CPNE4: variants seen among roughly 807,000 people sequenced by gnomAD.
CPNE4 encodes the protein copine 4.
Under a neutral mutation model 67.9 loss-of-function variants are expected in CPNE4, and 25 were observed. The observed-to-expected ratio is 0.37, with a 90% CI of 0.27 to 0.51. CPNE4 has a LOEUF of 0.51. Among genes scored for constraint, CPNE4 ranks in the 20% least tolerant of loss-of-function variants. The probability of loss-of-function intolerance (pLI) is 0.93; values close to 1 mark genes in which losing one functional copy is unlikely to be tolerated. For synonymous variants in CPNE4, 242 were observed against 244.9 expected, an observed-to-expected ratio of 0.99 and a Z score of 0.11; for missense variants, 464 against 690.8, an observed-to-expected ratio of 0.67 and a Z score of 3.68.
chr3:131,779,078 C>T (rs2083365743), intron 2 of CPNE4, among the ~76,000 whole-genome samples: 1 of 152,068 alleles, frequency 6.6e-6, no homozygotes, highest in Non-Finnish European at 1.5e-5. Context: ...AATGCAATCC[C>T]ATTCACAATA....
intron 1 of CPNE4, among the ~76,000 whole-genome samples, chr3:131,957,125 G>A (rs1459995384): frequency 6.6e-6 from 1 of 152,072 alleles, no homozygotes; most frequent in Non-Finnish European, 1.5e-5. Context: ...CCCCACACTG[G>A]GACTCAGTGA....
At chr3:131,906,497 G>A (rs1447910633) in intron 1 of CPNE4, among the ~76,000 whole-genome samples, 7 of 147,338 alleles carry the variant, frequency 4.8e-5, no homozygotes, top group South Asian at 2.1e-4. Context: ...GTGAGAACAC[G>A]CGGTGTTTGG....
intron 7 of CPNE4, among the ~76,000 whole-genome samples, chr3:131,644,331 T>C (rs1051868547): frequency 2.0e-5 from 3 of 151,958 alleles, no homozygotes; most frequent in African/African-American, 4.8e-5. Flanking sequence ...GTATTTTTAT[T>C]GGAGACAGGG....
chr3:131,688,409 A>T (rs1050417856), intron 5 of CPNE4, among the ~76,000 whole-genome samples: 1 of 152,124 alleles, frequency 6.6e-6, no homozygotes, highest in East Asian at 1.9e-4. Flanking sequence ...TCTCAGATGC[A>T]CTTCTAGCTG....
At chr3:131,634,037 A>T (rs1269461931) in intron 7 of CPNE4, among the ~76,000 whole-genome samples, 1 of 152,208 alleles carries the variant, frequency 6.6e-6, no homozygotes, top group Non-Finnish European at 1.5e-5. Flanking sequence ...GAGCTAAAAA[A>T]ATGCACATGC....
intron 7 of CPNE4, among the ~76,000 whole-genome samples, chr3:131,611,109 C>T (rs75859523): frequency 0.032 from 4,867 of 152,108 alleles, 248 homozygotes; most frequent in African/African-American, 0.11. Flanking sequence ...GAAAACAAAA[C>T]GTATTTTTTC....
intron 7 of CPNE4, among the ~76,000 whole-genome samples, chr3:131,588,068 A>AT (rs140193871): frequency 6.7e-5 from 10 of 150,040 alleles, no homozygotes; most frequent in African/African-American, 9.9e-5. Context: ...TTCTTTTTCT[A>AT]TTTTTTTTTC....
At chr3:131,958,604 C>CCTTT (rs2072053452) in intron 1 of CPNE4, among the ~76,000 whole-genome samples, 2 of 44,300 alleles carry the variant, frequency 4.5e-5, no homozygotes, top group Non-Finnish European at 8.8e-5. Context: ...ACCTTTCTTT[C>CCTTT]TTTTCTTTTT....
intron 2 of CPNE4, among the ~76,000 whole-genome samples, chr3:131,786,206 G>A (rs750865386): frequency 1.3e-4 from 20 of 152,046 alleles, no homozygotes; most frequent in South Asian, 1.0e-3. Context: ...TTCTGGCACC[G>A]AGAATTGCCT....
intron 2 of CPNE4, 96 bp from the exon 3 acceptor site, chr3:131,723,721 C>A: frequency 9.0e-7 from 1 of 1,106,326 alleles, no homozygotes; most frequent in Non-Finnish European, 1.3e-6. Context: ...TTCTTCCCAA[C>A]CATAAATGCT....
intron 3 of CPNE4, among the ~76,000 whole-genome samples, chr3:131,709,208 A>G (rs536557688): frequency 3.6e-4 from 55 of 151,886 alleles, no homozygotes; most frequent in African/African-American, 5.6e-4. Context: ...CAATGAGCCT[A>G]TATTATCTTT....
At chr3:131,705,759 A>G (rs1193424851) in intron 3 of CPNE4, among the ~76,000 whole-genome samples, 1 of 152,116 alleles carries the variant, frequency 6.6e-6, no homozygotes, top group African/African-American at 2.4e-5. Flanking sequence ...TAATTACTTC[A>G]AGTGTAATTA....
chr3:131,761,232 T>A (rs1368456377), intron 2 of CPNE4, among the ~76,000 whole-genome samples: 2 of 115,392 alleles, frequency 1.7e-5, no homozygotes, highest in African/African-American at 3.0e-5. Flanking sequence ...TTTTTTTTTT[T>A]AGAGAAAGGG....
chr3:131,947,550 T>C (rs1448930292), intron 1 of CPNE4, among the ~76,000 whole-genome samples: 2 of 152,182 alleles, frequency 1.3e-5, no homozygotes, highest in African/African-American at 4.8e-5. Context: ...TCCATGTCCC[T>C]GCAAAGGACA....
chr3:131,598,657 A>C (rs1254489839), intron 7 of CPNE4, among the ~76,000 whole-genome samples: 3 of 152,100 alleles, frequency 2.0e-5, no homozygotes, highest in African/African-American at 7.2e-5. Context: ...ATTTCTTCAC[A>C]TCCTGGGCCC....
intron 2 of CPNE4, among the ~76,000 whole-genome samples, chr3:131,874,737 T>G (rs1306289047): frequency 6.6e-6 from 1 of 152,262 alleles, no homozygotes; most frequent in African/African-American, 2.4e-5. Flanking sequence ...TGAAATCATT[T>G]AATTACAACT....
At chr3:131,827,414 G>A (rs1213181492) in intron 2 of CPNE4, among the ~76,000 whole-genome samples, 2 of 151,414 alleles carry the variant, frequency 1.3e-5, no homozygotes, top group East Asian at 1.9e-4. Flanking sequence ...CCAGTCTCAT[G>A]GACTCACCTG....
chr3:131,880,202 G>C (rs1428902845), intron 2 of CPNE4, among the ~76,000 whole-genome samples: 9 of 149,050 alleles, frequency 6.0e-5, no homozygotes, highest in Non-Finnish European at 1.3e-4. Flanking sequence ...TGCAAGCTCC[G>C]CCTCCCGGGT....
At chr3:131,712,496 G>C (rs1157388661) in intron 3 of CPNE4, among the ~76,000 whole-genome samples, 1 of 152,136 alleles carries the variant, frequency 6.6e-6, no homozygotes, top group Non-Finnish European at 1.5e-5. Context: ...TTCATAAGCA[G>C]TCTAAACCAA....
Sources: gnomAD v4.1 joint callset for allele counts (sites outside exome capture counted in the v4.1 genomes callset) on GRCh38, gnomAD v4.1.1 for gene constraint, MANE v1.5 for transcripts, NCBI Gene and HGNC (gene_info 2026-07-23, HGNC 2026-07-21) for gene names.